The following ADGRL2 variants were observed in gnomAD, a reference collection of about 807,000 sequenced individuals.
ADGRL2 encodes the protein adhesion G protein-coupled receptor L2, also known as calcium-independent alpha-latrotoxin receptor 2.
In ADGRL2, 44 loss-of-function variants were observed where a neutral mutation model predicts 157.4. The ratio of observed to expected loss-of-function variants is 0.28; its 90% CI spans 0.22 to 0.36. The LOEUF (loss-of-function observed/expected upper bound fraction) is 0.36. Among genes scored for constraint, ADGRL2 ranks in the 10% least tolerant of loss-of-function variants. The probability of loss-of-function intolerance (pLI) is 1.00; values close to 1 mark genes in which losing one functional copy is unlikely to be tolerated. For missense variants in ADGRL2, 1,510 were observed against 1,768.9 expected (o/e 0.85, Z 2.63); for synonymous variants, 585 against 624.7 (o/e 0.94, Z 0.95).
chr1:81,912,025 A>G (rs2094736525), intron 3 of ADGRL2, among the ~76,000 whole-genome samples: 1 of 151,934 alleles, frequency 6.6e-6, no homozygotes. Flanking sequence ...GCACCTGACT[A>G]GAACCTCATA....
intron 2 of ADGRL2, among the ~76,000 whole-genome samples, chr1:81,481,435 C>T (rs1490546987): frequency 1.3e-5 from 2 of 152,188 alleles, no homozygotes; most frequent in Admixed American, 6.5e-5. Context: ...GGTTGTTTCT[C>T]CTGTCCCTTG....
intron 14 of ADGRL2, among the ~76,000 whole-genome samples, chr1:81,968,874 A>G (rs1283261707): frequency 2.0e-5 from 3 of 152,204 alleles, no homozygotes; most frequent in African/African-American, 7.2e-5. Flanking sequence ...TCTGTCATGT[A>G]AATAGTTTCC....
chr1:81,940,350 A>T (rs1326103429), intron 4 of ADGRL2, among the ~76,000 whole-genome samples: 1 of 151,570 alleles, frequency 6.6e-6, no homozygotes, highest in African/African-American at 2.4e-5. Context: ...TCCGTTATTG[A>T]TTCTAAGCAG....
intron 3 of ADGRL2, among the ~76,000 whole-genome samples, chr1:81,624,978 C>G (rs2081879875): frequency 6.6e-6 from 1 of 152,214 alleles, no homozygotes; most frequent in Non-Finnish European, 1.5e-5. Context: ...TACAGAGTCT[C>G]TTTGGTGATC....
At chr1:81,614,363 T>C (rs1253924755) in intron 3 of ADGRL2, among the ~76,000 whole-genome samples, 1 of 152,202 alleles carries the variant, frequency 6.6e-6, no homozygotes, top group Non-Finnish European at 1.5e-5. Context: ...TCAATACAAA[T>C]GTCCTAATGG....
chr1:81,339,645 C>T (rs1661919334), intron 1 of ADGRL2, among the ~76,000 whole-genome samples: 1 of 151,852 alleles, frequency 6.6e-6, no homozygotes, highest in South Asian at 2.1e-4. Flanking sequence ...ATGTTGTTTC[C>T]CAGGACTTGA....
In ADGRL2 at chr1:81,952,123, C is replaced by T; in HGVS notation, c.1775C>T (p.Ala592Val). The change falls in exon 9 of 24, where the codon GCT becomes GTT. Residue 592 changes from alanine to valine, a missense_variant. Ala to Val is a moderately conservative substitution (Grantham distance 64). This residue lies in a region of ADGRL2 where 325 missense variants were observed against 333.2 expected (regional missense o/e 0.98). Coordinates refer to ENST00000686636, the MANE Select transcript of ADGRL2 (RefSeq NM_001366006.2). The part of the protein sequence containing the change: ...QELKPSEKDS[A>V]GRSYNKLQKR... ...CTGAAACCTAGTGAAAAAGATTCAG[C>T]TGGACGGAGTTATAACAAGGTAGAG... 6.2e-7 allele frequency: 1 copy of T among 1,612,040 alleles called. No homozygotes were observed. The highest frequency in any genetic ancestry group is 8.5e-7 in the Non-Finnish European group (1 of 1,178,784).
chr1:81,726,719 T>G (rs1355420897), intron 1 of ADGRL2, among the ~76,000 whole-genome samples: 1 of 152,214 alleles, frequency 6.6e-6, no homozygotes, highest in Non-Finnish European at 1.5e-5. Flanking sequence ...TTAACACTTT[T>G]TTGACTGATA....
chr1:81,473,347 C>A (rs2078210691), intron 2 of ADGRL2, among the ~76,000 whole-genome samples: 1 of 152,098 alleles, frequency 6.6e-6, no homozygotes, highest in South Asian at 2.1e-4. Context: ...GTCTATTGAG[C>A]ACTTGAGATG....
intron 10 of ADGRL2, among the ~76,000 whole-genome samples, chr1:81,955,033 G>T (rs7417214): frequency 0.7 from 106,387 of 152,084 alleles, 37,702 homozygotes; most frequent in East Asian, 0.84. Flanking sequence ...CAGAGTGTAG[G>T]AGTATAAGAT....
intron 2 of ADGRL2, among the ~76,000 whole-genome samples, chr1:81,463,037 C>T (rs1163684491): frequency 1.3e-5 from 2 of 148,788 alleles, no homozygotes; most frequent in Non-Finnish European, 3.0e-5. Flanking sequence ...ATTGCCTGAG[C>T]CTAGGAGGTT....
intron 3 of ADGRL2, among the ~76,000 whole-genome samples, chr1:81,689,422 G>A (rs934116021): frequency 3.3e-5 from 5 of 152,116 alleles, no homozygotes; most frequent in Middle Eastern, 6.4e-3. Context: ...CTCTCCTTAA[G>A]AAGGACCCAA....
intron 1 of ADGRL2, among the ~76,000 whole-genome samples, chr1:81,347,737 A>T (rs1004612053): frequency 1.3e-5 from 2 of 152,216 alleles, no homozygotes; most frequent in African/African-American, 4.8e-5. Context: ...TTGTGGCTGA[A>T]CGAACAGTTG....
chr1:81,572,814 A>G (rs117483293), intron 2 of ADGRL2, among the ~76,000 whole-genome samples: 3,824 of 152,012 alleles, frequency 0.025, 76 homozygotes, highest in East Asian at 0.038. Context: ...TAATATGGTA[A>G]TAAGCATTGT....
chr1:81,657,491 A>G (rs2082560709), intron 3 of ADGRL2, among the ~76,000 whole-genome samples: 1 of 152,220 alleles, frequency 6.6e-6, no homozygotes, highest in Non-Finnish European at 1.5e-5. Flanking sequence ...ACTAAGACAC[A>G]TGGCATATAT....
At chr1:81,538,048 C>T (rs185711047) in intron 2 of ADGRL2, among the ~76,000 whole-genome samples, 81 of 152,220 alleles carry the variant, frequency 5.3e-4, no homozygotes, top group African/African-American at 1.8e-3. Context: ...AATAAAATGT[C>T]CTTTCAAATT....
intron 1 of ADGRL2, among the ~76,000 whole-genome samples, chr1:81,750,385 A>C (rs1387248519): frequency 2.0e-5 from 3 of 152,200 alleles, no homozygotes; most frequent in Non-Finnish European, 4.4e-5. Flanking sequence ...AACAGGAGAC[A>C]GATGTTTCAT....
At chr1:81,658,728 T>G (rs960962329) in intron 3 of ADGRL2, among the ~76,000 whole-genome samples, 1 of 152,170 alleles carries the variant, frequency 6.6e-6, no homozygotes, top group East Asian at 1.9e-4. Flanking sequence ...AATATGCAAC[T>G]AGCTCTATTG....
At chr1:81,649,840 G>T (rs899837276) in intron 3 of ADGRL2, among the ~76,000 whole-genome samples, 1 of 152,120 alleles carries the variant, frequency 6.6e-6, no homozygotes, top group African/African-American at 2.4e-5. Flanking sequence ...ACTGACTCCC[G>T]TCAGAAGGCT....
Sources: gnomAD v4.1 joint callset for allele counts (sites outside exome capture counted in the v4.1 genomes callset) on GRCh38, gnomAD v4.1.1 for gene constraint, gnomAD v4.1.1 regional missense constraint, MANE v1.5 for transcripts, NCBI Gene and HGNC (gene_info 2026-07-23, HGNC 2026-07-21) for gene names.